The following PTTG1IP2 variants were observed in gnomAD, a reference collection of about 807,000 sequenced individuals.
The protein encoded by PTTG1IP2 is PTTG1IP family member 2.
intron 1 of PTTG1IP2, among the ~76,000 whole-genome samples, chr7:90,470,940 T>C (rs1344299184): frequency 6.9e-6 from 1 of 144,836 alleles, no homozygotes; most frequent in Non-Finnish European, 1.5e-5. Context: ...GTCTTAAGAC[T>C]TTATCAAAAT....
At chr7:90,491,678 C>G (rs867342495) in intron 4 of PTTG1IP2, among the ~76,000 whole-genome samples, 1 of 150,876 alleles carries the variant, frequency 6.6e-6, no homozygotes, top group Non-Finnish European at 1.5e-5. Context: ...TTATAACTTA[C>G]TAAGGGGACA....
intron 5 of PTTG1IP2, among the ~76,000 whole-genome samples, chr7:90,493,775 A>T (rs1481597283): frequency 2.6e-5 from 4 of 152,242 alleles, no homozygotes; most frequent in African/African-American, 9.6e-5. Context: ...TGTCATAGAC[A>T]TCAAGAGAAA....
intron 6 of PTTG1IP2, among the ~76,000 whole-genome samples, chr7:90,501,748 G>A (rs4728898): frequency 0.048 from 7,297 of 152,242 alleles, 444 homozygotes; most frequent in East Asian, 0.16. Context: ...ATTTTTTCTA[G>A]TGAGGGTCTT....
chr7:90,489,874 T>G (rs796768689), intron 4 of PTTG1IP2, among the ~76,000 whole-genome samples: 20 of 152,128 alleles, frequency 1.3e-4, no homozygotes, highest in African/African-American at 4.8e-4. Flanking sequence ...TCAGCTTACT[T>G]CATGTTACTT....
chr7:90,506,521 G>A (rs1257635793), intron 6 of PTTG1IP2, among the ~76,000 whole-genome samples: 1 of 152,128 alleles, frequency 6.6e-6, no homozygotes, highest in Non-Finnish European at 1.5e-5. Context: ...CCAGCACTTT[G>A]GGAGGCCAAC....
chr7:90,473,168 A>G (rs900007094), intron 1 of PTTG1IP2, among the ~76,000 whole-genome samples: 3 of 152,244 alleles, frequency 2.0e-5, no homozygotes, highest in Admixed American at 1.3e-4. Flanking sequence ...TCCCTTGGAC[A>G]TAAGAATTTT....
At chr7:90,492,423 C>T (rs1428176474) in intron 5 of PTTG1IP2, 114 bp downstream of exon 5, 1 of 152,216 alleles carries the variant, frequency 6.6e-6, no homozygotes, top group Non-Finnish European at 1.5e-5. Context: ...CAGTGACTCA[C>T]ACCTGTAATC....
At chr7:90,509,071 A>C (rs1663156867) in intron 6 of PTTG1IP2, among the ~76,000 whole-genome samples, 1 of 150,864 alleles carries the variant, frequency 6.6e-6, no homozygotes, top group Non-Finnish European at 1.5e-5. Context: ...TATTTTAAAG[A>C]TGACATGGAA....
chr7:90,495,880 A>G (rs1001586179), intron 6 of PTTG1IP2, among the ~76,000 whole-genome samples: 18 of 152,162 alleles, frequency 1.2e-4, no homozygotes, highest in African/African-American at 4.3e-4. Flanking sequence ...AAATGTGCAC[A>G]TTTATTTGTT....
intron 4 of PTTG1IP2, among the ~76,000 whole-genome samples, 172 bp from the exon 5 acceptor site, chr7:90,492,067 G>T (rs188693942): frequency 6.6e-6 from 1 of 152,214 alleles, no homozygotes; most frequent in East Asian, 1.9e-4. Context: ...GGAGGTGGAG[G>T]TTGCAGTGAG....
chr7:90,470,916 C>T (rs555191295), intron 1 of PTTG1IP2, among the ~76,000 whole-genome samples: 8 of 145,818 alleles, frequency 5.5e-5, no homozygotes, highest in South Asian at 4.3e-4. Flanking sequence ...GGACTCATAC[C>T]GGAAATTTTT....
intron 5 of PTTG1IP2, 200 bp from the exon 6 acceptor site, chr7:90,494,167 T>C (rs575014415): frequency 3.9e-5 from 6 of 152,312 alleles, no homozygotes; most frequent in African/African-American, 1.4e-4. Flanking sequence ...ATCTGATCTT[T>C]TCCTTTTTGT....
intron 2 of PTTG1IP2, among the ~76,000 whole-genome samples, chr7:90,482,650 G>C (rs1277916913): frequency 2.0e-5 from 3 of 152,072 alleles, no homozygotes; most frequent in Non-Finnish European, 4.4e-5. Flanking sequence ...TTGCTATTCA[G>C]TCGTTATGCA....
chr7:90,491,998 G>C (rs565412649), intron 4 of PTTG1IP2, among the ~76,000 whole-genome samples: 2 of 152,254 alleles, frequency 1.3e-5, no homozygotes, highest in Non-Finnish European at 2.9e-5. Flanking sequence ...GGGTATGGTG[G>C]TGAGTGCCTG....
rs187568865 is a variant in PTTG1IP2 at position 90,478,230 on chromosome 7, A to G, written c.146-998A>G. On this transcript the variant is annotated intron_variant, in intron 1 of 6. Transcript: ENST00000509356. Reference sequence around the variant, plus strand: ...ACAAAAATAAAAACTTTAGTTTACAAAAAAGCTGTGGGAAGCATGTAGAGC... The same window carrying G: ...ACAAAAATAAAAACTTTAGTTTACAGAAAAGCTGTGGGAAGCATGTAGAGC... 8.3e-4 allele frequency among the ~76,000 whole-genome samples: 126 copies of G among 152,304 alleles called. 1 individual carries two copies. The highest frequency in any genetic ancestry group is 2.6e-3 in the African/African-American group (109 of 41,568).
rs564588236 is a variant in PTTG1IP2, at chr7:90,481,350, G to T, written c.192+2076G>T. ...GATTGGTCCTTTGGTTTATATTTTC[G>T]TTTGCTGTGCATTACTAGCTGATTG... On this transcript the variant is annotated intron_variant, in intron 2 of 6. Transcript: ENST00000509356. Among the ~76,000 whole-genome samples, 5 of 152,116 alleles carry T rather than the reference G, an allele frequency of 3.3e-5. No homozygotes were observed. In the East Asian group the frequency reaches 9.7e-4, roughly 29 times the overall value.
chr7:90,473,875 A>G (rs1209737380), intron 1 of PTTG1IP2, among the ~76,000 whole-genome samples: 1 of 152,262 alleles, frequency 6.6e-6, no homozygotes, highest in African/African-American at 2.4e-5. Context: ...TATCAGTAAA[A>G]TAAGAATAAA....
At chr7:90,478,827 AAT>A (rs1491194123) in intron 1 of PTTG1IP2, among the ~76,000 whole-genome samples, 1 of 143,958 alleles carries the variant, frequency 6.9e-6, no homozygotes, top group Non-Finnish European at 1.5e-5. Context: ...ATAGGGAATT[AAT>A]TTTTTTTTTT....
intron 2 of PTTG1IP2, among the ~76,000 whole-genome samples, chr7:90,486,467 C>CTTT (rs532687452): frequency 2.5e-5 from 3 of 119,220 alleles, no homozygotes; most frequent in Non-Finnish European, 3.5e-5. Context: ...CTTTGTCTTC[C>CTTT]TTTTTTTTTT....
Sources: gnomAD v4.1 joint callset for allele counts (sites outside exome capture counted in the v4.1 genomes callset) on GRCh38, gnomAD v4.1.1 for gene constraint, MANE v1.5 for transcripts, NCBI Gene and HGNC (gene_info 2026-07-23, HGNC 2026-07-21) for gene names.